The following MAP2K6 variants were observed in gnomAD, a reference collection of about 807,000 sequenced individuals.
The protein encoded by MAP2K6 is mitogen-activated protein kinase kinase 6, also known as dual specificity mitogen-activated protein kinase kinase 6.
Under a neutral mutation model 53.7 loss-of-function variants are expected in MAP2K6, and 16 were observed. The observed-to-expected ratio is 0.30, with a 90% CI of 0.20 to 0.45. The LOEUF (loss-of-function observed/expected upper bound fraction) is 0.45, where lower values mean the gene tolerates loss of function less well. Ranked by LOEUF, MAP2K6 falls within the 20% of genes least tolerant of loss-of-function variation. The pLI, the probability that MAP2K6 is intolerant of heterozygous loss-of-function variation, is 1.00. For missense variants in MAP2K6, 204 were observed against 411.9 expected (o/e 0.50, Z 4.37); for synonymous variants, 132 against 143.1 (o/e 0.92, Z 0.55).
At chr17:69,428,793 G>A (rs1906351699) in intron 1 of MAP2K6, among the ~76,000 whole-genome samples, 2 of 151,540 alleles carry the variant, frequency 1.3e-5, no homozygotes, top group Admixed American at 1.3e-4. Flanking sequence ...GAATAAGGAA[G>A]TAAAACAAGA....
intron 1 of MAP2K6, among the ~76,000 whole-genome samples, chr17:69,471,073 G>T (rs942855026): frequency 4.6e-5 from 7 of 152,176 alleles, no homozygotes; most frequent in African/African-American, 1.7e-4. Flanking sequence ...TTCATTGCAG[G>T]TAAATTAATT....
chr17:69,480,689 AC>A (rs1908320903), intron 1 of MAP2K6, among the ~76,000 whole-genome samples: 1 of 152,220 alleles, frequency 6.6e-6, no homozygotes, highest in South Asian at 2.1e-4. Context: ...AAGAAAGCGT[AC>A]ACCTCCAGGG....
At chr17:69,520,014 A>G (rs531783393) in intron 5 of MAP2K6, 3 of 416,096 alleles carry the variant, frequency 7.2e-6, no homozygotes, top group Non-Finnish European at 1.3e-5. Flanking sequence ...TCTGTTAGTA[A>G]TTAGATTCCA....
chr17:69,488,536 A>G (rs991603557), intron 1 of MAP2K6, among the ~76,000 whole-genome samples: 1 of 152,238 alleles, frequency 6.6e-6, no homozygotes, highest in Non-Finnish European at 1.5e-5. Context: ...CCCATCAGTA[A>G]TAGACTGGAT....
At chr17:69,461,711 G>A (rs141036590) in intron 1 of MAP2K6, among the ~76,000 whole-genome samples, 3 of 152,160 alleles carry the variant, frequency 2.0e-5, no homozygotes, top group Non-Finnish European at 4.4e-5. Flanking sequence ...GCTCACGGAG[G>A]TCATCTGAGG....
At chr17:69,467,901 G>C (rs371040084) in intron 1 of MAP2K6, among the ~76,000 whole-genome samples, 8 of 152,184 alleles carry the variant, frequency 5.3e-5, no homozygotes, top group African/African-American at 1.9e-4. Context: ...AAGTAGCTGG[G>C]ATTACAGGCA....
At chr17:69,533,737 T>TG (rs1911208784) in intron 10 of MAP2K6, among the ~76,000 whole-genome samples, 1 of 96,830 alleles carries the variant, frequency 1.0e-5, no homozygotes, top group Admixed American at 9.5e-5. Flanking sequence ...GCCTGTTTGT[T>TG]TTTTTTTTTT....
At chr17:69,492,325 G>A (rs896001991) in intron 1 of MAP2K6, among the ~76,000 whole-genome samples, 33 of 152,064 alleles carry the variant, frequency 2.2e-4, no homozygotes, top group African/African-American at 7.5e-4. Flanking sequence ...GTTGGTTTTC[G>A]TATATGGTAT....
intron 3 of MAP2K6, 47 bp from the exon 4 acceptor site, chr17:69,517,453 G>A: frequency 9.2e-7 from 1 of 1,090,002 alleles, no homozygotes; most frequent in Non-Finnish European, 1.4e-6. Flanking sequence ...TCTCTGTTCT[G>A]TTTATTTTTC....
chr17:69,516,862 C>A lies in MAP2K6; in HGVS notation c.91C>A (p.Arg31=), dbSNP rs1133228. Residue 31 remains arginine, a synonymous_variant, in exon 3 of 12, where the codon CGA becomes AGA. Transcript: ENST00000590474. ...EQPQTSSTPP[R]DLDSKACISI... ...CCCCCTTATCTTTCTTAGACCACCT[C>A]GAGATTTAGACTCCAAGGCTTGCAT... 0.43 allele frequency: 663,909 copies of A among 1,559,644 alleles called. 145,916 individuals carry two copies. The highest frequency in any genetic ancestry group is 0.46 in the South Asian group (40,977 of 88,650).
chr17:69,541,053 G>A (rs1198904648), intron 11 of MAP2K6, among the ~76,000 whole-genome samples: 1 of 152,148 alleles, frequency 6.6e-6, no homozygotes, highest in African/African-American at 2.4e-5. Context: ...CACGAGGTCA[G>A]GAGATCAAGA....
At chr17:69,496,773 T>G (rs1206283640) in intron 1 of MAP2K6, among the ~76,000 whole-genome samples, 7 of 152,030 alleles carry the variant, frequency 4.6e-5, no homozygotes. Flanking sequence ...TCTCTTAAGC[T>G]CCATTTGCCT....
chr17:69,513,231 G>A (rs137896194), intron 2 of MAP2K6, among the ~76,000 whole-genome samples: 311 of 152,324 alleles, frequency 2.0e-3, no homozygotes, highest in African/African-American at 7.1e-3. Context: ...TGCGGCACAG[G>A]CGAATTGATT....
intron 10 of MAP2K6, 187 bp from the exon 11 acceptor site, chr17:69,535,928 G>A (rs988251301): frequency 7.6e-6 from 4 of 527,340 alleles, no homozygotes; most frequent in African/African-American, 1.9e-5. Context: ...TTCCCATTAA[G>A]GCACAACCAG....
At chr17:69,488,649 G>A (rs2145199873) in intron 1 of MAP2K6, among the ~76,000 whole-genome samples, 1 of 152,232 alleles carries the variant, frequency 6.6e-6, no homozygotes, top group South Asian at 2.1e-4. Flanking sequence ...GTCAGTGCAG[G>A]AACAGAAAAG....
intron 1 of MAP2K6, among the ~76,000 whole-genome samples, chr17:69,478,019 G>A (rs1468845508): frequency 1.3e-5 from 2 of 152,188 alleles, no homozygotes; most frequent in Non-Finnish European, 2.9e-5. Context: ...GTTAAAGGTG[G>A]CAAGATTAGT....
rs1208330862 is a variant in MAP2K6, at chr17:69,542,138, T to C, written c.*385T>C. ...ATTTGTAGTTTGTCCCATTTATTATTTTAATATTTATGTTTAAGTGCTTGG... is the reference window on the plus strand; with the variant it reads ...ATTTGTAGTTTGTCCCATTTATTATCTTAATATTTATGTTTAAGTGCTTGG... On this transcript the variant is annotated 3_prime_UTR_variant, in exon 12 of 12. Coordinates refer to ENST00000590474, the MANE Select transcript of MAP2K6 (RefSeq NM_002758.4). 6.5e-6 allele frequency: 1 copy of C among 152,960 alleles called. No homozygotes were observed. The highest frequency in any genetic ancestry group is 2.4e-5 in the African/African-American group (1 of 41,470). 9.5% of individuals were successfully genotyped at this position (152,960 alleles called of 1,614,324 possible).
intron 1 of MAP2K6, among the ~76,000 whole-genome samples, chr17:69,469,188 C>G (rs1270576079): frequency 6.6e-6 from 1 of 152,220 alleles, no homozygotes; most frequent in Non-Finnish European, 1.5e-5. Flanking sequence ...GTTCTGTCCC[C>G]TTCCTTCATC....
chr17:69,549,103 T>C lies in MAP2K6; in HGVS notation c.*7350T>C, dbSNP rs996188663. The C allele has an allele frequency of 1.3e-4, 20 of 152,242 alleles. No individual in the cohort carries two copies. The highest frequency in any genetic ancestry group is 4.8e-4 in the African/African-American group (20 of 41,464). The allele number at this position is 152,242 out of a possible 1,614,324, so 9.4% of individuals were successfully genotyped here. ...TCTTGACATCACTTGTATTATCATT[T>C]GAACTTGGACATTGAGCCCTTTATT... On this transcript the variant is annotated 3_prime_UTR_variant, in exon 12 of 12. Coordinates refer to ENST00000590474, the MANE Select transcript of MAP2K6 (RefSeq NM_002758.4).
Sources: gnomAD v4.1 joint callset for allele counts (sites outside exome capture counted in the v4.1 genomes callset) on GRCh38, gnomAD v4.1.1 for gene constraint, MANE v1.5 for transcripts, NCBI Gene and HGNC (gene_info 2026-07-23, HGNC 2026-07-21) for gene names.